The following CENPH variants were observed in gnomAD, a reference collection of about 807,000 sequenced individuals.
CENPH encodes CENP-H.
Under a neutral mutation model 42.9 loss-of-function variants are expected in CENPH, and 40 were observed. The observed-to-expected ratio is 0.93, with a 90% CI of 0.72 to 1.21. The LOEUF (loss-of-function observed/expected upper bound fraction) is 1.21. CENPH is among the 50% of genes most tolerant of loss of function. CENPH has a pLI of 0.00. For missense variants in CENPH, 302 were observed against 292.9 expected, an observed-to-expected ratio of 1.03 and a Z score of -0.23; for synonymous variants, 88 against 96.5, an observed-to-expected ratio of 0.91 and a Z score of 0.52.
At chr5:69,202,646 T>A (rs778159952) in intron 6 of CENPH, 77 bp downstream of exon 6, 1 of 862,944 alleles carries the variant, frequency 1.2e-6, no homozygotes, top group Non-Finnish European at 1.9e-6. Context: ...GTATTGTATA[T>A]GATTAAATAG....
rs1237001301 is a variant in CENPH at position 69,204,060 on chromosome 5, T to G, written c.487+1090T>G. Among the ~76,000 whole-genome samples, 142 of 107,176 alleles carry G rather than the reference T, an allele frequency of 1.3e-3. 4 individuals are homozygous for G. The highest frequency in any genetic ancestry group is 1.8e-3 in the African/African-American group (54 of 29,336). 70.3% of individuals were successfully genotyped at this position (107,176 alleles called of 152,430 possible). A position where few individuals can be genotyped will look rare whatever the true frequency, so the allele number is the denominator to read the frequency against. On this transcript the variant is annotated intron_variant, in intron 7 of 8. Coordinates refer to ENST00000283006, the MANE Select transcript of CENPH (RefSeq NM_022909.4). ...TATATATATTTATATATTATATATA[T>G]AAATATATATAATATATAAATATAT...
At chr5:69,193,005 G>A (rs1375929524) in intron 2 of CENPH, among the ~76,000 whole-genome samples, 1 of 151,836 alleles carries the variant, frequency 6.6e-6, no homozygotes, top group African/African-American at 2.4e-5. Context: ...GCTGAGGCAG[G>A]AGAATCGCTT....
At chr5:69,192,010 C>G (rs1747880005) in intron 2 of CENPH, among the ~76,000 whole-genome samples, 160 bp downstream of exon 2, 1 of 152,162 alleles carries the variant, frequency 6.6e-6, no homozygotes, top group African/African-American at 2.4e-5. Flanking sequence ...CTCAGCCTCC[C>G]AAGTAACTGG....
In CENPH at chr5:69,208,209, T is replaced by G; in HGVS notation, c.501T>G (p.Ala167=). 1 of 1,553,324 alleles carries G rather than the reference T, an allele frequency of 6.4e-7. No individual in the cohort carries two copies. Among genetic ancestry groups the G allele is most frequent in the Non-Finnish European group, 8.8e-7 (1 of 1,130,474 alleles). ...TTAACCTAACAGAATTAAAACAAGC[T>G]TCAGAAAGTAAGCTTTTAGAAATAC... ...IRKKRLQLKQ[A]SESKLLEIQT... is the part of the protein sequence containing the mutation. The change falls in exon 8 of 9, where the codon GCT becomes GCG. Residue 167 remains alanine, a synonymous_variant. Transcript: ENST00000283006.
At chr5:69,206,717 A>G (rs1748166204) in intron 7 of CENPH, among the ~76,000 whole-genome samples, 1 of 152,008 alleles carries the variant, frequency 6.6e-6, no homozygotes, top group African/African-American at 2.4e-5. Context: ...GTTGGTCTCC[A>G]ACTCCTGACC....
intron 7 of CENPH, among the ~76,000 whole-genome samples, chr5:69,205,140 G>C (rs1748130814): frequency 6.6e-6 from 1 of 151,666 alleles, no homozygotes; most frequent in Non-Finnish European, 1.5e-5. Flanking sequence ...GGATGGTCTT[G>C]ATCTCCTGAC....
intron 2 of CENPH, among the ~76,000 whole-genome samples, chr5:69,192,957 G>A (rs886955290): frequency 1.4e-5 from 2 of 146,494 alleles, no homozygotes; most frequent in Admixed American, 7.0e-5. Flanking sequence ...TTAGCTGGGC[G>A]TGGTGGTGCA....
intron 4 of CENPH, among the ~76,000 whole-genome samples, chr5:69,196,136 C>CA (rs1351934164): frequency 2.0e-5 from 3 of 151,958 alleles, no homozygotes; most frequent in Admixed American, 6.6e-5. Context: ...GATGGGGTCT[C>CA]ACTGTGCCCA....
chr5:69,190,066 T>C (rs1747841736), intron 1 of CENPH, among the ~76,000 whole-genome samples: 1 of 152,148 alleles, frequency 6.6e-6, no homozygotes, highest in African/African-American at 2.4e-5. Flanking sequence ...CCCCTACCTC[T>C]CTGGTTTACA....
chr5:69,191,301 A>G (rs1258764528), intron 1 of CENPH, among the ~76,000 whole-genome samples: 1 of 152,174 alleles, frequency 6.6e-6, no homozygotes, highest in Non-Finnish European at 1.5e-5. Context: ...TCACGAGGTC[A>G]GGAGATCAAG....
At chr5:69,203,468 G>T (rs934869816) in intron 7 of CENPH, among the ~76,000 whole-genome samples, 3 of 152,152 alleles carry the variant, frequency 2.0e-5, no homozygotes, top group African/African-American at 7.2e-5. Flanking sequence ...CTGGGTTTGA[G>T]CAATTCTTGT....
Position 69,209,777 on chromosome 5 carries a change from A to G in CENPH, c.722A>G (p.Glu241Gly). The change falls in exon 9 of 9, where the codon GAG becomes GGG. Residue 241 changes from glutamate to glycine, a missense_variant. Physicochemically the swap from Glu to Gly is moderately conservative, Grantham distance 98. Transcript: ENST00000283006. ...CTTAAGGAAATTGTTCTGCAGCTTG[A>G]GAAGAATGTTGACATGATGTAATAA... ...PALKEIVLQL[E>G]KNVDMM The G allele has an allele frequency of 6.3e-7, 1 of 1,595,464 alleles. No homozygotes were observed. The highest frequency in any genetic ancestry group is 8.6e-7 in the Non-Finnish European group (1 of 1,164,400).
In CENPH at chr5:69,208,299, C is replaced by G. The variant is rs1212157695; in HGVS notation, c.591C>G (p.Ile197Met). ...TGGAAAACTCAGAGAGGATAAAGAT[C>G]ATACGACAAAACCTACAGATGGAGA... is the stretch of plus-strand genomic sequence containing the variant. ...DSMENSERIK[I>M]IRQNLQMEIK... The change falls in exon 8 of 9, where the codon ATC becomes ATG. Residue 197 changes from isoleucine (I) to methionine (M), a missense_variant. By Grantham distance (10) the Ile-to-Met change is conservative. Transcript: ENST00000283006. The G allele has an allele frequency of 6.2e-7, 1 of 1,600,404 alleles. No individual in the cohort carries two copies. The highest frequency in any genetic ancestry group is 8.6e-7 in the Non-Finnish European group (1 of 1,167,946).
At chr5:69,208,144 T>C in intron 7 of CENPH, 52 bp from the exon 8 acceptor site, 1 of 928,128 alleles carries the variant, frequency 1.1e-6, no homozygotes, top group Non-Finnish European at 1.5e-6. Context: ...TTCAAGATCC[T>C]TGTTTATAGA....
At position 69,204,044 on chromosome 5, in the gene CENPH, T is replaced by TATATATAGAA. The variant is rs1748104765; in HGVS notation, c.487+1074_487+1075insATATATAGAA. Reference sequence around the variant, plus strand: ...AAATTATATATATAATTATATATATTTATATATTATATATATAAATATATA... The same window carrying TATATATAGAA: ...AAATTATATATATAATTATATATATTATATATAGAATATATATTATATATATAAATATATA... On this transcript the variant is annotated intron_variant, in intron 7 of 8. Coordinates refer to ENST00000283006, the MANE Select transcript of CENPH (RefSeq NM_022909.4). Among the ~76,000 whole-genome samples the TATATATAGAA allele has an allele frequency of 6.6e-3, 374 of 56,744 alleles. 26 individuals are homozygous for TATATATAGAA. The highest frequency in any genetic ancestry group is 0.026 in the African/African-American group (350 of 13,392). The allele number at this position is 56,744 out of a possible 152,430, so 37.2% of individuals were successfully genotyped here.
At chr5:69,199,238 G>A (rs1300721596) in intron 5 of CENPH, among the ~76,000 whole-genome samples, 1 of 152,168 alleles carries the variant, frequency 6.6e-6, no homozygotes, top group Non-Finnish European at 1.5e-5. Context: ...GAGTGCAGTG[G>A]CGTGATCCTA....
chr5:69,204,923 T>TTC (rs1229647918), intron 7 of CENPH, among the ~76,000 whole-genome samples: 1 of 140,946 alleles, frequency 7.1e-6, no homozygotes, highest in Non-Finnish European at 1.5e-5. Context: ...CTTTTTCTTT[T>TTC]TTTTTTTTTT....
At chr5:69,196,344 C>T (rs1747963641) in intron 4 of CENPH, among the ~76,000 whole-genome samples, 1 of 152,098 alleles carries the variant, frequency 6.6e-6, no homozygotes, top group Admixed American at 6.6e-5. Context: ...GTGAAAAATG[C>T]ATTTAATACA....
chr5:69,195,751 GT>G lies in CENPH; in HGVS notation c.275del (p.Val92GlufsTer7). Reference sequence around the variant, plus strand: ...AGACCTGGAAAATGAAATTGAAGAGGTAAAAGTTGCTTTTGAGATAAAAAAG... The same window carrying G: ...AGACCTGGAAAATGAAATTGAAGAGGAAAAGTTGCTTTTGAGATAAAAAAG... ...IEDLENEIEE[V>X]KVAFEIKKLA... On this transcript the variant is annotated frameshift_variant, in exon 4 of 9. Transcript: ENST00000283006. LOFTEE classifies it high-confidence loss of function. 1 of 1,562,230 alleles carries G rather than the reference GT, an allele frequency of 6.4e-7. No homozygotes were observed. Among genetic ancestry groups the G allele is most frequent in the Non-Finnish European group, 8.7e-7 (1 of 1,150,342 alleles).
Sources: allele counts gnomAD v4.1 joint callset (sites outside exome capture counted in the v4.1 genomes callset), GRCh38; gene constraint gnomAD v4.1.1; transcripts MANE v1.5; gene names NCBI Gene and HGNC (gene_info 2026-07-23, HGNC 2026-07-21).